Variants in STK31 observed in about 807,000 individuals in gnomAD.
The protein encoded by STK31 is serine/threonine-protein kinase 31.
In STK31, 89 loss-of-function variants were observed where a neutral mutation model predicts 129.7. That is an observed-to-expected ratio of 0.69 (90% CI 0.58 to 0.82). STK31 has a LOEUF of 0.82. Among genes scored for constraint, STK31 ranks in the 40% least tolerant of loss-of-function variants. The probability of loss-of-function intolerance (pLI) is 0.00; values close to 1 mark genes in which losing one functional copy is unlikely to be tolerated. For synonymous variants in STK31, 448 were observed against 395.3 expected, an observed-to-expected ratio of 1.13 and a Z score of -1.58; for missense variants, 1,187 against 1,176.4, an observed-to-expected ratio of 1.01 and a Z score of -0.13.
rs550157296 is a variant in STK31, at chr7:23,763,069, G to C, written c.1416+146G>C. ...CTGAATTCTGATTTCTTTTTAATGG[G>C]ATTAAAAGTTTATATTAATATATTT... On this transcript the variant is annotated intron_variant, in intron 11 of 23. Transcript: ENST00000355870. 3.5e-5 allele frequency: 24 copies of C among 694,900 alleles called. No homozygotes were observed. In the South Asian group the frequency reaches 6.5e-4, roughly 19 times the overall value. The allele number at this position is 694,900 out of a possible 1,614,324, so 43.0% of individuals were successfully genotyped here. A position where few individuals can be genotyped will look rare whatever the true frequency, so the allele number is the denominator to read the frequency against.
intron 23 of STK31, among the ~76,000 whole-genome samples, chr7:23,822,910 T>TA (rs1201493533): frequency 2.0e-5 from 3 of 152,222 alleles, no homozygotes; most frequent in Non-Finnish European, 4.4e-5. Context: ...TCCATGTCCC[T>TA]ACAAAGGACA....
chr7:23,710,600 C>G, intron 1 of STK31: 2 of 1,294,278 alleles, frequency 1.5e-6, no homozygotes, highest in Non-Finnish European at 9.9e-7. Flanking sequence ...TCTTCCCCTT[C>G]TCGAAAATTC....
chr7:23,762,783 C>CT lies in STK31; in HGVS notation c.1294-11dup. ...ACCTGATGTATTAATGATGGTTATT[C>CT]TTTTTTTCTTCCTCCAGAGTGAAGG... On this transcript the variant is annotated splice_polypyrimidine_tract_variant and intron_variant, in intron 10 of 23. Coordinates refer to ENST00000355870, the MANE Select transcript of STK31 (RefSeq NM_031414.5). 1 of 1,606,384 alleles carries CT rather than the reference C, an allele frequency of 6.2e-7. No individual in the cohort carries two copies. The highest frequency in any genetic ancestry group is 1.1e-5 in the South Asian group (1 of 88,564).
rs558811090 is a variant in STK31 at position 23,727,906 on chromosome 7, A to G, written c.324+591A>G. ...TATTTGGTTCTTGAGTAACTTTTAA[A>G]TGTTCATTTTATTAAGCTTTATAAG... On this transcript the variant is annotated intron_variant, in intron 5 of 23. Coordinates refer to ENST00000355870, the MANE Select transcript of STK31 (RefSeq NM_031414.5). Among the ~76,000 whole-genome samples, 54 of 151,994 alleles carry G rather than the reference A, an allele frequency of 3.6e-4. No individual in the cohort carries two copies. In the South Asian group the frequency reaches 9.6e-3, roughly 27 times the overall value.
At chr7:23,770,939 T>C in intron 13 of STK31, 66 bp from the exon 14 acceptor site, 7 of 1,472,528 alleles carry the variant, frequency 4.8e-6, no homozygotes, top group Non-Finnish European at 6.3e-6. Context: ...TATCTATTGT[T>C]ATTGGAGGCC....
chr7:23,754,991 C>G (rs10241235), intron 10 of STK31: 1 of 152,384 alleles, frequency 6.6e-6, no homozygotes, highest in East Asian at 1.9e-4. Context: ...GTAGAATGAT[C>G]TATATTCCTT....
chr7:23,715,689 C>T (rs1786273673), intron 3 of STK31, among the ~76,000 whole-genome samples: 1 of 152,072 alleles, frequency 6.6e-6, no homozygotes, highest in African/African-American at 2.4e-5. Flanking sequence ...GGCTGCTTCT[C>T]TTGTTTCTCA....
At chr7:23,808,413 T>C (rs1487766707) in intron 22 of STK31, among the ~76,000 whole-genome samples, 1 of 152,042 alleles carries the variant, frequency 6.6e-6, no homozygotes, top group Non-Finnish European at 1.5e-5. Flanking sequence ...ACCACCTTAT[T>C]CCACCTTCTT....
intron 20 of STK31, 139 bp from the exon 21 acceptor site, chr7:23,787,841 C>G (rs1791387838): frequency 2.7e-6 from 2 of 735,652 alleles, no homozygotes; most frequent in Non-Finnish European, 4.0e-6. Flanking sequence ...TCTGGTCTTT[C>G]TCTATGCTGT....
chr7:23,789,004 C>T (rs553803034), intron 21 of STK31, among the ~76,000 whole-genome samples: 1 of 152,286 alleles, frequency 6.6e-6, no homozygotes, highest in African/African-American at 2.4e-5. Context: ...AATACACTTT[C>T]TGTCTCTATG....
chr7:23,738,044 G>A (rs973178876), intron 8 of STK31, among the ~76,000 whole-genome samples: 1 of 152,112 alleles, frequency 6.6e-6, no homozygotes, highest in Admixed American at 6.5e-5. Context: ...GTTCCATAAA[G>A]CTGCCTCTAC....
chr7:23,773,107 C>T, intron 15 of STK31, among the ~76,000 whole-genome samples: 1 of 152,090 alleles, frequency 6.6e-6, no homozygotes, highest in East Asian at 1.9e-4. Context: ...AGGTTTGTTA[C>T]ATAGGTATAC....
At chr7:23,811,313 G>A in intron 22 of STK31, 1 of 419,536 alleles carries the variant, frequency 2.4e-6, no homozygotes, top group South Asian at 2.0e-5. Flanking sequence ...TGCAGCTTCT[G>A]CCATAAAAGG....
chr7:23,825,584 G>C (rs1794093907), intron 23 of STK31, among the ~76,000 whole-genome samples: 1 of 152,020 alleles, frequency 6.6e-6, no homozygotes, highest in Admixed American at 6.6e-5. Flanking sequence ...AGGGTTTTTT[G>C]TGTCTATATG....
At chr7:23,808,792 A>G (rs1168201567) in intron 22 of STK31, among the ~76,000 whole-genome samples, 1 of 151,916 alleles carries the variant, frequency 6.6e-6, no homozygotes. Context: ...CTCCTCACTC[A>G]GCACTACTAA....
intron 4 of STK31, among the ~76,000 whole-genome samples, chr7:23,724,039 A>G (rs1485029600): frequency 6.6e-6 from 1 of 152,234 alleles, no homozygotes; most frequent in Non-Finnish European, 1.5e-5. Context: ...TACAGAAGTA[A>G]AAACATGCAA....
chr7:23,762,757 G>C (rs984051180), intron 10 of STK31, 44 bp from the exon 11 acceptor site: 1 of 1,599,944 alleles, frequency 6.3e-7, no homozygotes, highest in African/African-American at 1.3e-5. Context: ...ATGCGGAAAA[G>C]ACCTGATGTA....
intron 9 of STK31, 90 bp downstream of exon 9, chr7:23,752,922 C>A (rs1788806248): frequency 1.2e-6 from 1 of 840,368 alleles, no homozygotes; most frequent in Non-Finnish European, 1.9e-6. Flanking sequence ...GCCATTTTTG[C>A]TTTAAAATTT....
chr7:23,719,570 G>A (rs1355538690), intron 4 of STK31, among the ~76,000 whole-genome samples: 1 of 152,100 alleles, frequency 6.6e-6, no homozygotes, highest in Admixed American at 6.6e-5. Flanking sequence ...GGTGACAACA[G>A]TAGTATGAAA....
Sources: gnomAD v4.1 joint callset for allele counts (sites outside exome capture counted in the v4.1 genomes callset) on GRCh38, gnomAD v4.1.1 for gene constraint, MANE v1.5 for transcripts, NCBI Gene and HGNC (gene_info 2026-07-23, HGNC 2026-07-21) for gene names.